CCDC73: variants seen among roughly 807,000 people sequenced by gnomAD.
CCDC73 encodes the protein coiled-coil domain containing 73.
In CCDC73, 95 loss-of-function variants were observed where a neutral mutation model predicts 116.5. The observed-to-expected ratio is 0.82, with a 90% CI of 0.69 to 0.97. The LOEUF (loss-of-function observed/expected upper bound fraction) is 0.97. Among genes scored for constraint, CCDC73 ranks in the 50% least tolerant of loss-of-function variants. The pLI is 0.00. For missense variants in CCDC73, 1,066 were observed against 1,206.8 expected (o/e 0.88, Z 1.73); for synonymous variants, 398 against 401.3 (o/e 0.99, Z 0.10).
intron 9 of CCDC73, among the ~76,000 whole-genome samples, chr11:32,657,109 AG>A (rs1459838957): frequency 2.6e-5 from 4 of 152,212 alleles, no homozygotes; most frequent in Admixed American, 2.0e-4. Flanking sequence ...TGAGAAATAA[AG>A]TCAACTGAGA....
At chr11:32,620,437 G>A (rs999500524) in intron 14 of CCDC73, among the ~76,000 whole-genome samples, 1 of 151,510 alleles carries the variant, frequency 6.6e-6, no homozygotes, top group African/African-American at 2.4e-5. Context: ...GTGAAACCCC[G>A]TTTCTACTAA....
chr11:32,669,451 G>A lies in CCDC73; in HGVS notation c.645+6114C>T, dbSNP rs114355993. 9.2e-3 allele frequency among the ~76,000 whole-genome samples: 1,405 copies of A among 152,040 alleles called. 22 individuals carry two copies. The highest frequency in any genetic ancestry group is 0.031 in the African/African-American group (1,292 of 41,470). On this transcript the variant is annotated intron_variant, in intron 9 of 17. Coordinates refer to ENST00000335185, the MANE Select transcript of CCDC73 (RefSeq NM_001008391.4). ...GTACCCATCCCCTGAAGGATTTATCGTTTGTGTTATAAAAAATCCAATTAC... is the reference window on the plus strand; with the variant it reads ...GTACCCATCCCCTGAAGGATTTATCATTTGTGTTATAAAAAATCCAATTAC...
chr11:32,681,827 C>G (rs1326037167), intron 7 of CCDC73: 6 of 151,754 alleles, frequency 4.0e-5, no homozygotes, highest in African/African-American at 1.4e-4. Context: ...AATAATGTAA[C>G]AGGAATAATG....
At chr11:32,643,033 G>A (rs1430929697) in intron 12 of CCDC73, among the ~76,000 whole-genome samples, 1 of 150,772 alleles carries the variant, frequency 6.6e-6, no homozygotes, top group African/African-American at 2.4e-5. Flanking sequence ...ACACTGTTCT[G>A]TCATCTGCTT....
At chr11:32,718,792 C>G (rs1273385595) in intron 2 of CCDC73, among the ~76,000 whole-genome samples, 1 of 152,170 alleles carries the variant, frequency 6.6e-6, no homozygotes, top group Non-Finnish European at 1.5e-5. Context: ...CTTATCTCCT[C>G]TAAGCAGCAG....
intron 2 of CCDC73, among the ~76,000 whole-genome samples, chr11:32,727,852 G>A (rs1850042194): frequency 6.6e-6 from 1 of 152,106 alleles, no homozygotes; most frequent in Admixed American, 6.5e-5. Context: ...TTACAGGTGT[G>A]AGCCACTGTG....
At chr11:32,772,537 T>C (rs1850500333) in intron 1 of CCDC73, among the ~76,000 whole-genome samples, 1 of 152,164 alleles carries the variant, frequency 6.6e-6, no homozygotes, top group Admixed American at 6.6e-5. Context: ...ATACTAGATT[T>C]CTTAGATGGC....
intron 9 of CCDC73, among the ~76,000 whole-genome samples, chr11:32,665,465 A>T (rs1298335220): frequency 1.3e-5 from 2 of 152,146 alleles, no homozygotes; most frequent in Non-Finnish European, 2.9e-5. Flanking sequence ...GTCTTATCAG[A>T]GACTCGGATT....
the CCDC73 span, among the ~76,000 whole-genome samples, chr11:32,824,112 C>G: frequency 6.6e-6 from 1 of 152,064 alleles, no homozygotes. Flanking sequence ...CCAGGCTGGT[C>G]TCGAATTCCT....
chr11:32,682,734 G>C (rs1196096164), intron 7 of CCDC73: 4 of 151,854 alleles, frequency 2.6e-5, no homozygotes, highest in Admixed American at 6.6e-5. Flanking sequence ...ATAAAATAGA[G>C]CTAGAAGGGA....
At position 32,774,967 on chromosome 11, in the gene CCDC73, A is replaced by T. The variant is rs145031737; in HGVS notation, c.-15-14709T>A. The stretch of plus-strand genomic sequence containing the variant: ...CTGTCCACAGGAAGGTTTTAAGGTG[A>T]GTGTTTTGGAAAAAGTGGTATCTAT... On this transcript the variant is annotated intron_variant, in intron 1 of 17. Coordinates refer to ENST00000335185, the MANE Select transcript of CCDC73 (RefSeq NM_001008391.4). Among the ~76,000 whole-genome samples the T allele has an allele frequency of 4.0e-4, 61 of 152,320 alleles. 1 individual carries two copies. The East Asian group carries it at 0.011, about 27-fold the overall frequency.
chr11:32,676,483 A>G (rs982107918), intron 7 of CCDC73, among the ~76,000 whole-genome samples: 2 of 152,218 alleles, frequency 1.3e-5, no homozygotes, highest in African/African-American at 4.8e-5. Flanking sequence ...ACCAAAATTC[A>G]AGTAATTTTT....
chr11:32,699,432 C>A, intron 5 of CCDC73, 107 bp from the exon 6 acceptor site: 1 of 1,220,260 alleles, frequency 8.2e-7, no homozygotes, highest in Non-Finnish European at 1.1e-6. Flanking sequence ...TATTTCAATA[C>A]TTTCTAATGT....
At chr11:32,783,705 A>G (rs962628684) in intron 1 of CCDC73, among the ~76,000 whole-genome samples, 1 of 151,816 alleles carries the variant, frequency 6.6e-6, no homozygotes, top group Admixed American at 6.6e-5. Flanking sequence ...TGCCTTCATG[A>G]CCTAATCACC....
Position 32,700,128 on chromosome 11 carries a change from A to G in CCDC73, c.315+663T>C, listed in dbSNP as rs12270827. ...GACACTTTATAATTATTTAATTCAT[A>G]CAACTAGAATAAATATATTCTAATT... On this transcript the variant is annotated intron_variant, in intron 5 of 17. Transcript: ENST00000335185. Among the ~76,000 whole-genome samples, 389 of 151,954 alleles carry G rather than the reference A, an allele frequency of 2.6e-3. 1 individual carries two copies. The highest frequency in any genetic ancestry group is 9.2e-3 in the African/African-American group (381 of 41,528).
chr11:32,688,002 T>C (rs1430237656), intron 6 of CCDC73, among the ~76,000 whole-genome samples: 3 of 152,180 alleles, frequency 2.0e-5, no homozygotes, highest in Non-Finnish European at 4.4e-5. Context: ...GATAGTCAAA[T>C]ATTTTAATCC....
the CCDC73 span, among the ~76,000 whole-genome samples, chr11:32,799,868 T>G: frequency 6.6e-6 from 1 of 152,240 alleles, no homozygotes; most frequent in South Asian, 2.1e-4. Context: ...CTTATAACTT[T>G]GTTATAGTTA....
At chr11:32,605,755 T>C (rs751053317) in intron 17 of CCDC73, 1 of 152,232 alleles carries the variant, frequency 6.6e-6, no homozygotes, top group South Asian at 2.1e-4. Context: ...ACAAAACTTG[T>C]CCTGTTTAAC....
chr11:32,627,579 A>C (rs1339179146), intron 14 of CCDC73, among the ~76,000 whole-genome samples: 3 of 152,244 alleles, frequency 2.0e-5, no homozygotes, highest in Non-Finnish European at 4.4e-5. Flanking sequence ...CCAAATGTCC[A>C]TCAATGAGAG....
Sources: gnomAD v4.1 joint callset for allele counts (sites outside exome capture counted in the v4.1 genomes callset) on GRCh38, gnomAD v4.1.1 for gene constraint, MANE v1.5 for transcripts, NCBI Gene and HGNC (gene_info 2026-07-23, HGNC 2026-07-21) for gene names.